FSTL5: variants seen among roughly 807,000 people sequenced by gnomAD.
FSTL5 encodes follistatin-related protein 5.
In FSTL5, 62 loss-of-function variants were observed where a neutral mutation model predicts 89.1. That is an observed-to-expected ratio of 0.70 (90% CI 0.57 to 0.86). The LOEUF (loss-of-function observed/expected upper bound fraction) is 0.86. Among genes scored for constraint, FSTL5 ranks in the 40% least tolerant of loss-of-function variants. The probability of loss-of-function intolerance (pLI) is 0.00; values close to 1 mark genes in which losing one functional copy is unlikely to be tolerated. For synonymous variants in FSTL5, 383 were observed against 346.2 expected, an observed-to-expected ratio of 1.11 and a Z score of -1.18; for missense variants, 1,057 against 1,001.6, an observed-to-expected ratio of 1.06 and a Z score of -0.75.
chr4:161,595,819 G>A (rs1057091379), intron 7 of FSTL5, among the ~76,000 whole-genome samples: 2 of 151,726 alleles, frequency 1.3e-5, no homozygotes, highest in African/African-American at 2.4e-5. Context: ...GTTATAAAAT[G>A]GTAAATTTTA....
chr4:161,731,863 G>A (rs1330257732), intron 6 of FSTL5, among the ~76,000 whole-genome samples: 1 of 151,770 alleles, frequency 6.6e-6, no homozygotes, highest in Admixed American at 6.6e-5. Flanking sequence ...GCATTTTGTT[G>A]TAAAGATATA....
At chr4:161,428,432 T>C (rs1431747260) in intron 15 of FSTL5, among the ~76,000 whole-genome samples, 1 of 152,196 alleles carries the variant, frequency 6.6e-6, no homozygotes, top group Non-Finnish European at 1.5e-5. Flanking sequence ...CAACCCCAGG[T>C]AGTGCAGCTT....
At chr4:161,559,197 G>A (rs932057792) in intron 8 of FSTL5, among the ~76,000 whole-genome samples, 2 of 151,666 alleles carry the variant, frequency 1.3e-5, no homozygotes, top group Non-Finnish European at 2.9e-5. Flanking sequence ...GAATCTCTTC[G>A]TAAAAGCCTG....
At chr4:161,460,432 C>T (rs1286116997) in intron 13 of FSTL5, among the ~76,000 whole-genome samples, 1 of 91,054 alleles carries the variant, frequency 1.1e-5, no homozygotes, top group Non-Finnish European at 2.5e-5. Context: ...TGTTCCCCAC[C>T]CCGTGTCCAA....
At chr4:161,669,081 C>T (rs189112943) in intron 6 of FSTL5, among the ~76,000 whole-genome samples, 86 of 135,758 alleles carry the variant, frequency 6.3e-4, no homozygotes, top group African/African-American at 2.1e-3. Context: ...CACGGCCCTC[C>T]AGCCTGGGTG....
intron 7 of FSTL5, among the ~76,000 whole-genome samples, chr4:161,595,222 C>A (rs1466456294): frequency 6.6e-6 from 1 of 152,008 alleles, no homozygotes; most frequent in Non-Finnish European, 1.5e-5. Flanking sequence ...CAGCAGTTTT[C>A]TAATCTTAAA....
chr4:161,638,767 G>A (rs1293201410), intron 7 of FSTL5, among the ~76,000 whole-genome samples: 3 of 133,368 alleles, frequency 2.2e-5, no homozygotes, highest in African/African-American at 5.8e-5. Context: ...CTGGCAAAAC[G>A]AATCCAGCAG....
At position 161,677,495 on chromosome 4, in the gene FSTL5, TGTATCACACATTTGG is replaced by T. The variant is rs1355849417; in HGVS notation, c.728-21016_728-21002del. 5.9e-5 allele frequency among the ~76,000 whole-genome samples: 9 copies of T among 152,192 alleles called. No individual in the cohort carries two copies. The East Asian group carries it at 1.2e-3, about 20-fold the overall frequency. ...AGTATTGAATGTCTGCCTGTTTGTG[TGTATCACACATTTGG>T]AAATCTTATTCCTTCTCTTCATGAT... On this transcript the variant is annotated intron_variant, in intron 6 of 15. Transcript: ENST00000306100.
intron 3 of FSTL5, among the ~76,000 whole-genome samples, chr4:161,999,746 C>T (rs2111101846): frequency 6.6e-6 from 1 of 152,192 alleles, no homozygotes; most frequent in Non-Finnish European, 1.5e-5. Context: ...AATTCAAGGA[C>T]AACCTATACA....
chr4:161,696,415 T>C (rs990481241), intron 6 of FSTL5, among the ~76,000 whole-genome samples: 3 of 152,202 alleles, frequency 2.0e-5, no homozygotes, highest in Non-Finnish European at 2.9e-5. Context: ...TTTGTTCTTT[T>C]TGTTTAGTCT....
chr4:161,413,119 T>C (rs758810475), intron 15 of FSTL5, among the ~76,000 whole-genome samples: 55 of 151,448 alleles, frequency 3.6e-4, no homozygotes, highest in Admixed American at 5.9e-4. Context: ...ACAGAACAAA[T>C]AGACAACCTA....
chr4:161,838,649 C>T (rs191867174), intron 4 of FSTL5, among the ~76,000 whole-genome samples: 113 of 152,082 alleles, frequency 7.4e-4, no homozygotes, highest in African/African-American at 2.7e-3. Context: ...TGACATGTAT[C>T]GACATTATGA....
chr4:161,643,292 T>C (rs1172467019), intron 7 of FSTL5, among the ~76,000 whole-genome samples: 1 of 152,074 alleles, frequency 6.6e-6, no homozygotes, highest in African/African-American at 2.4e-5. Context: ...CTCTCTCAAG[T>C]CTGTGGCTCC....
chr4:161,498,595 A>G (rs1179313343), intron 12 of FSTL5, among the ~76,000 whole-genome samples: 2 of 152,180 alleles, frequency 1.3e-5, no homozygotes, highest in Non-Finnish European at 2.9e-5. Context: ...TCTGTGATAT[A>G]GCCAAGACAT....
Position 161,723,034 on chromosome 4 carries a change from T to A in FSTL5, c.727+36377A>T, listed in dbSNP as rs189944361. Among the ~76,000 whole-genome samples, 8 of 152,256 alleles carry A rather than the reference T, an allele frequency of 5.3e-5. No individual in the cohort carries two copies. In the East Asian group the frequency reaches 1.5e-3, roughly 29 times the overall value. Reference sequence around the variant, plus strand: ...AAGAGCAGAAATCGGCAAGGCCAAGTCATCTAAGGGGCCAGCCAGAAAGTA... The same window carrying A: ...AAGAGCAGAAATCGGCAAGGCCAAGACATCTAAGGGGCCAGCCAGAAAGTA... On this transcript the variant is annotated intron_variant, in intron 6 of 15. Coordinates refer to ENST00000306100, the MANE Select transcript of FSTL5 (RefSeq NM_020116.5).
At chr4:161,543,092 T>C (rs1731887878) in intron 8 of FSTL5, among the ~76,000 whole-genome samples, 1 of 151,940 alleles carries the variant, frequency 6.6e-6, no homozygotes, top group African/African-American at 2.4e-5. Context: ...ATGAATTCAG[T>C]TATATAAATA....
chr4:161,855,615 G>T (rs7682746), intron 4 of FSTL5, among the ~76,000 whole-genome samples: 2 of 151,818 alleles, frequency 1.3e-5, no homozygotes, highest in Non-Finnish European at 1.5e-5. Context: ...TTACAGAAAA[G>T]GTAAGAAAAT....
At chr4:162,067,751 C>T (rs546464798) in intron 2 of FSTL5, among the ~76,000 whole-genome samples, 9 of 151,986 alleles carry the variant, frequency 5.9e-5, no homozygotes, top group Non-Finnish European at 1.0e-4. Context: ...GAAGAGAGGA[C>T]GTCAAATTGC....
intron 8 of FSTL5, among the ~76,000 whole-genome samples, chr4:161,566,725 G>A (rs1279522366): frequency 6.6e-6 from 1 of 151,758 alleles, no homozygotes; most frequent in Non-Finnish European, 1.5e-5. Context: ...ACATATTTTC[G>A]TATCTCATGG....
Sources: allele counts gnomAD v4.1 joint callset (sites outside exome capture counted in the v4.1 genomes callset), GRCh38; gene constraint gnomAD v4.1.1; transcripts MANE v1.5; gene names NCBI Gene and HGNC (gene_info 2026-07-23, HGNC 2026-07-21).